The following ABR variants were observed in gnomAD, a reference collection of about 807,000 sequenced individuals.
The protein encoded by ABR is ABR activator of RhoGEF and GTPase.
ABR carries 35 observed loss-of-function variants against 107.2 expected under a neutral mutation model. The ratio of observed to expected loss-of-function variants is 0.33; its 90% CI spans 0.25 to 0.43. The LOEUF (loss-of-function observed/expected upper bound fraction) is 0.43. ABR is among the 20% of genes least tolerant of loss of function. The pLI, the probability that ABR is intolerant of heterozygous loss-of-function variation, is 1.00. For synonymous variants in ABR, 498 were observed against 462.0 expected, an observed-to-expected ratio of 1.08 and a Z score of -1.00; for missense variants, 815 against 1,115.2, an observed-to-expected ratio of 0.73 and a Z score of 3.83.
In ABR at chr17:1,011,283, G is replaced by A. The variant is rs944119570; in HGVS notation, c.2102-420C>T. 11 of 190,570 alleles carry A rather than the reference G, an allele frequency of 5.8e-5. No homozygotes were observed. Among genetic ancestry groups the A allele is most frequent in the East Asian group, 1.5e-4 (1 of 6,464 alleles). 11.8% of individuals were successfully genotyped at this position (190,570 alleles called of 1,614,324 possible). On this transcript the variant is annotated intron_variant, in intron 19 of 22. Coordinates refer to ENST00000302538, the MANE Select transcript of ABR (RefSeq NM_021962.5). This position sits in a 1 kb window ranked among gnomAD's most constrained non-coding sequence, Gnocchi z 4.8. ...TAGGCTGCACAGAGGCACCAACGCC[G>A]GCCAGTTCCCAGGCCCCACCCCGTC...
chr17:1,041,928 G>A (rs972259856), intron 16 of ABR, among the ~76,000 whole-genome samples: 3 of 152,096 alleles, frequency 2.0e-5, no homozygotes, highest in Non-Finnish European at 2.9e-5. Context: ...GCCGGGAGGG[G>A]GAGAGAAGGC....
chr17:1,159,670 A>AATGCGGTACTCACACACAAGGGAAGT (rs150369941), intron 1 of ABR, among the ~76,000 whole-genome samples: 1 of 31,232 alleles, frequency 3.2e-5, no homozygotes, highest in Non-Finnish European at 6.6e-5. Flanking sequence ...GAGAAGTAAG[A>AATGCGGTACTCACACACAAGGGAAGT]ATGCGGTACT....
intron 16 of ABR, among the ~76,000 whole-genome samples, chr17:1,032,565 GTCC>G: frequency 9.1e-6 from 1 of 110,026 alleles, no homozygotes; most frequent in African/African-American, 3.7e-5. Flanking sequence ...AACCACCCGC[GTCC>G]GTGCTGGGCG....
chr17:1,227,750 T>A (rs67441225), intron 1 of ABR, among the ~76,000 whole-genome samples: 43,920 of 151,866 alleles, frequency 0.29, 6,746 homozygotes, highest in Non-Finnish European at 0.34. Flanking sequence ...GAGGAGACCG[T>A]GACAGTTCAC....
In ABR at chr17:1,157,616, C is replaced by T. The variant is rs35253516; in HGVS notation, c.61+22051G>A. Among the ~76,000 whole-genome samples the T allele has an allele frequency of 5.9e-3, 905 of 152,328 alleles. 6 individuals carry two copies. The highest frequency in any genetic ancestry group is 0.01 in the Middle Eastern group (3 of 294). Reference sequence around the variant, plus strand: ...TCAGGCCACAGGCCATGAGAAGCAGCAACTACAAGGGAAGAGCCGCTGCTG... The same window carrying T: ...TCAGGCCACAGGCCATGAGAAGCAGTAACTACAAGGGAAGAGCCGCTGCTG... On this transcript the variant is annotated intron_variant, in intron 1 of 22. Transcript: ENST00000302538. This position sits in a 1 kb window ranked among gnomAD's most constrained non-coding sequence, Gnocchi z 4.7.
At chr17:1,180,408 G>A (rs2042096072), upstream of ABR, among the ~76,000 whole-genome samples, 1 of 152,170 alleles carries the variant, frequency 6.6e-6, no homozygotes, top group South Asian at 2.1e-4. Flanking sequence ...CGTCCTGCGC[G>A]CCGCGGGACG....
At position 1,125,252 on chromosome 17, in the gene ABR, C is replaced by T. The variant is rs141739875; in HGVS notation, c.177G>A (p.Gln59=). 778 of 1,613,060 alleles carry T rather than the reference C, an allele frequency of 4.8e-4. 3 individuals are homozygous for T. Among genetic ancestry groups the T allele is most frequent in the Non-Finnish European group, 3.0e-4 (353 of 1,179,454 alleles). The part of the protein sequence containing the change: ...YIDESPTMSP[Q]LSARSQGGGD... The stretch of plus-strand genomic sequence containing the variant: ...CCCCGCCCTGGCTGCGGGCGCTGAG[C>T]TGCGGGGACATGGTGGGCGACTCAT... Residue 59 remains glutamine (Q), a synonymous_variant, in exon 2 of 23, where the codon CAG becomes CAA. Coordinates refer to ENST00000302538, the MANE Select transcript of ABR (RefSeq NM_021962.5).
intron 13 of ABR, 28 bp downstream of exon 13, chr17:1,056,970 T>C: frequency 1.9e-6 from 3 of 1,540,894 alleles, no homozygotes; most frequent in Non-Finnish European, 1.8e-6. Context: ...GACCTGCCGG[T>C]TGGGCCACCT....
chr17:1,086,891 T>C (rs2036626427), intron 4 of ABR, among the ~76,000 whole-genome samples: 1 of 151,988 alleles, frequency 6.6e-6, no homozygotes, highest in Non-Finnish European at 1.5e-5. Flanking sequence ...GGAGGATCAC[T>C]TGAGCCCGAG....
At chr17:1,126,770 C>T (rs560304579) in intron 1 of ABR, among the ~76,000 whole-genome samples, 2 of 152,220 alleles carry the variant, frequency 1.3e-5, no homozygotes, top group African/African-American at 4.8e-5. Flanking sequence ...AATCCTGCCC[C>T]TTTGTCCTTG....
rs1321665213 is a variant in ABR, at chr17:1,117,182, C to T, written c.246+8001G>A. 1.0e-3 allele frequency among the ~76,000 whole-genome samples: 38 copies of T among 37,898 alleles called. 1 individual carries two copies. The highest frequency in any genetic ancestry group is 1.9e-3 in the South Asian group (1 of 536). 24.9% of individuals were successfully genotyped at this position (37,898 alleles called of 152,430 possible). A position where few individuals can be genotyped will look rare whatever the true frequency, so the allele number is the denominator to read the frequency against. ...ATCCCTGAGCCTGAGTTCCTCCCAG[C>T]GTTATCCCTGAGCCTGAGTTCCTCC... On this transcript the variant is annotated intron_variant, in intron 2 of 22. Coordinates refer to ENST00000302538, the MANE Select transcript of ABR (RefSeq NM_021962.5).
chr17:1,044,664 AT>A (rs1300673986), intron 16 of ABR, among the ~76,000 whole-genome samples: 135 of 144,834 alleles, frequency 9.3e-4, no homozygotes, highest in Non-Finnish European at 1.2e-3. Flanking sequence ...AAAAAAAAAA[AT>A]ACCTCTTCCG....
upstream of ABR, chr17:1,184,864 T>C (rs1461437439): frequency 6.6e-6 from 1 of 152,166 alleles, no homozygotes; most frequent in African/African-American, 2.4e-5. Flanking sequence ...CACTGCTCTA[T>C]CTGCTTTACG....
At chr17:1,063,073 G>C (rs1398483000) in intron 10 of ABR, among the ~76,000 whole-genome samples, 4 of 141,244 alleles carry the variant, frequency 2.8e-5, no homozygotes, top group Non-Finnish European at 6.4e-5. Context: ...GGCTATGCAT[G>C]TTCCTCTAGA....
At chr17:1,223,623 T>C (rs925004610) in intron 1 of ABR, among the ~76,000 whole-genome samples, 3 of 152,168 alleles carry the variant, frequency 2.0e-5, no homozygotes, top group Admixed American at 6.6e-5. Context: ...TTCACACTGC[T>C]GTAAAGAACT....
Position 1,010,769 on chromosome 17 carries a change from G to A in ABR, c.2196C>T (p.Leu732=), listed in dbSNP as rs373681371. 1.1e-5 allele frequency: 18 copies of A among 1,613,814 alleles called. No homozygotes were observed. Among genetic ancestry groups the A allele is most frequent in the Non-Finnish European group, 1.5e-5 (18 of 1,180,018 alleles). Residue 732 remains leucine, a synonymous_variant, in exon 20 of 23, where the codon CTC becomes CTT. Transcript: ENST00000302538. This position sits in a 1 kb window ranked among gnomAD's most constrained non-coding sequence, Gnocchi z 4.1. ...KLYFRELPEP[L]LTDRLYPAFM... Reference sequence around the variant, plus strand: ...AGGCTGGGTAGAGTCGGTCCGTGAGGAGCGGCTCGGGCAGTTCCCGGAAGT... The same window carrying A: ...AGGCTGGGTAGAGTCGGTCCGTGAGAAGCGGCTCGGGCAGTTCCCGGAAGT...
chr17:1,012,971 G>C (rs1171594946), intron 17 of ABR, 134 bp downstream of exon 17: 22 of 1,169,188 alleles, frequency 1.9e-5, no homozygotes, highest in Non-Finnish European at 2.8e-5. Flanking sequence ...CAGGAGGGGA[G>C]AGGGGGCTGG....
intron 16 of ABR, among the ~76,000 whole-genome samples, chr17:1,035,910 A>T (rs1359290002): frequency 6.6e-6 from 1 of 151,036 alleles, no homozygotes; most frequent in African/African-American, 2.4e-5. Flanking sequence ...AAATCGGGTT[A>T]AGGTGTTCAG....
chr17:1,060,162 G>A (rs1340451096), intron 10 of ABR, among the ~76,000 whole-genome samples: 1 of 152,222 alleles, frequency 6.6e-6, no homozygotes, highest in Non-Finnish European at 1.5e-5. Context: ...TGTAATCCCA[G>A]CACTTTGGGA....
Sources: gnomAD v4.1 joint callset for allele counts (sites outside exome capture counted in the v4.1 genomes callset) on GRCh38, gnomAD v4.1.1 for gene constraint, Gnocchi (gnomAD v3.1) non-coding constraint, MANE v1.5 for transcripts, NCBI Gene and HGNC (gene_info 2026-07-23, HGNC 2026-07-21) for gene names.